The following ZMYND11 variants were observed in gnomAD, a reference collection of about 807,000 sequenced individuals.
ZMYND11 encodes zinc finger MYND-type containing 11.
In ZMYND11, 9 loss-of-function variants were observed where a neutral mutation model predicts 84.9. The ratio of observed to expected loss-of-function variants is 0.11; its 90% CI spans 0.06 to 0.18. ZMYND11 has a LOEUF of 0.18. ZMYND11 is among the 10% of genes least tolerant of loss of function. ZMYND11 has a pLI of 1.00. For synonymous variants in ZMYND11, 250 were observed against 244.1 expected, an observed-to-expected ratio of 1.02 and a Z score of -0.23; for missense variants, 409 against 761.0, an observed-to-expected ratio of 0.54 and a Z score of 5.44.
chr10:139,418 C>T (rs7910845), intron 1 of ZMYND11, among the ~76,000 whole-genome samples: 141,381 of 152,202 alleles, frequency 0.93, 66,020 homozygotes, highest in Non-Finnish European at 0.98. Context: ...ATATCTCTTA[C>T]ATACTTTCAG....
chr10:151,209 G>A (rs1010654139), intron 1 of ZMYND11, among the ~76,000 whole-genome samples: 7 of 152,152 alleles, frequency 4.6e-5, no homozygotes. Context: ...GAACAAAGCT[G>A]GATGGGAATG....
chr10:148,819 T>G (rs1009986456), intron 1 of ZMYND11: 4 of 152,276 alleles, frequency 2.6e-5, no homozygotes, highest in Non-Finnish European at 4.4e-5. Flanking sequence ...GATTTTCCAC[T>G]GCTGTCAGTG....
chr10:241,751 T>G (rs1227375256), intron 9 of ZMYND11, among the ~76,000 whole-genome samples: 1 of 152,192 alleles, frequency 6.6e-6, no homozygotes, highest in Non-Finnish European at 1.5e-5. Context: ...CAGCTGCACT[T>G]GGCCAAGCGG....
At chr10:170,499 G>T (rs1554765406) in intron 1 of ZMYND11, among the ~76,000 whole-genome samples, 1 of 151,354 alleles carries the variant, frequency 6.6e-6, no homozygotes, top group African/African-American at 2.4e-5. Context: ...TTATGTGTAA[G>T]TAAAATGAAT....
intron 14 of ZMYND11, among the ~76,000 whole-genome samples, chr10:250,884 G>A (rs771199521): frequency 1.4e-4 from 21 of 152,096 alleles, no homozygotes; most frequent in Non-Finnish European, 2.6e-4. Flanking sequence ...TTAGCCGGGC[G>A]TGGTGGTGTG....
In ZMYND11 at chr10:144,891, A is replaced by G. The variant is rs150331067; in HGVS notation, c.-20+9332A>G. 2.7e-3 allele frequency among the ~76,000 whole-genome samples: 403 copies of G among 150,684 alleles called. 3 individuals carry two copies. The highest frequency in any genetic ancestry group is 9.3e-3 in the African/African-American group (385 of 41,268). On this transcript the variant is annotated intron_variant, in intron 1 of 14. Transcript: ENST00000381604. ...ACCCAATATTTTTAAAATATTAAAT[A>G]TTAAAGAGATTTTTAAAATTTCTTA...
chr10:132,045 AAT>A (rs1257679110), upstream of ZMYND11, among the ~76,000 whole-genome samples: 3 of 152,074 alleles, frequency 2.0e-5, no homozygotes, highest in Admixed American at 6.5e-5. Flanking sequence ...ATGTTAATCT[AAT>A]AGAGGAGAAG....
At chr10:242,395 C>T (rs1055732909) in intron 10 of ZMYND11, among the ~76,000 whole-genome samples, 1 of 152,088 alleles carries the variant, frequency 6.6e-6, no homozygotes, top group African/African-American at 2.4e-5. Flanking sequence ...ATTTATAGTA[C>T]AGTGGGCAGA....
At chr10:144,528 TTAAAA>T (rs1838255124) in intron 1 of ZMYND11, among the ~76,000 whole-genome samples, 1 of 152,026 alleles carries the variant, frequency 6.6e-6, no homozygotes, top group South Asian at 2.1e-4. Flanking sequence ...GGCCTATTTT[TTAAAA>T]TAAACTGTTT....
intron 10 of ZMYND11, 38 bp from the exon 11 acceptor site, chr10:246,728 G>A (rs747279382): frequency 3.8e-6 from 6 of 1,597,990 alleles, no homozygotes; most frequent in Non-Finnish European, 5.1e-6. Context: ...CCTGCCATTT[G>A]GGATGTTTCT....
intron 1 of ZMYND11, among the ~76,000 whole-genome samples, chr10:177,149 G>A (rs530828328): frequency 2.0e-5 from 3 of 152,240 alleles, no homozygotes; most frequent in South Asian, 4.1e-4. Flanking sequence ...TGTGTAACAC[G>A]CATATATGAA....
chr10:231,708 G>A (rs1171183678), intron 4 of ZMYND11, among the ~76,000 whole-genome samples: 1 of 152,198 alleles, frequency 6.6e-6, no homozygotes, highest in Non-Finnish European at 1.5e-5. Context: ...ATCCGATTCA[G>A]TGTAGCCTGG....
chr10:212,147 T>C (rs1945352906), intron 3 of ZMYND11, among the ~76,000 whole-genome samples: 1 of 152,184 alleles, frequency 6.6e-6, no homozygotes, highest in Non-Finnish European at 1.5e-5. Flanking sequence ...GATTGGTACT[T>C]TCCTATATGC....
chr10:158,375 C>G (rs1554760086), intron 1 of ZMYND11, among the ~76,000 whole-genome samples: 1 of 151,142 alleles, frequency 6.6e-6, no homozygotes, highest in African/African-American at 2.4e-5. Context: ...ATTATTGTAC[C>G]AGTTTCTATT....
chr10:183,975 A>G (rs1020205632), intron 2 of ZMYND11, among the ~76,000 whole-genome samples: 1 of 152,180 alleles, frequency 6.6e-6, no homozygotes, highest in Non-Finnish European at 1.5e-5. Flanking sequence ...CAGTGTTGCT[A>G]CTGGTGGGTC....
At chr10:200,580 A>G (rs1942963492) in intron 2 of ZMYND11, among the ~76,000 whole-genome samples, 1 of 151,868 alleles carries the variant, frequency 6.6e-6, no homozygotes, top group African/African-American at 2.4e-5. Flanking sequence ...TCCGGCTGGA[A>G]GCATTTTTCT....
chr10:153,288 C>T (rs1013889597), intron 1 of ZMYND11, among the ~76,000 whole-genome samples: 2 of 152,184 alleles, frequency 1.3e-5, no homozygotes, highest in South Asian at 4.1e-4. Flanking sequence ...TAGTGTGATT[C>T]CTATATAATT....
At chr10:229,328 G>A (rs1394902559) in intron 4 of ZMYND11, among the ~76,000 whole-genome samples, 1 of 152,146 alleles carries the variant, frequency 6.6e-6, no homozygotes, top group Non-Finnish European at 1.5e-5. Flanking sequence ...AATCCACCTT[G>A]AGACGTTCTT....
intron 1 of ZMYND11, among the ~76,000 whole-genome samples, chr10:156,465 C>A (rs1841745993): frequency 6.6e-6 from 1 of 152,150 alleles, no homozygotes; most frequent in Admixed American, 6.5e-5. Flanking sequence ...TCAAACCTTA[C>A]TGTATTTTGG....
Sources: allele counts gnomAD v4.1 joint callset (sites outside exome capture counted in the v4.1 genomes callset), GRCh38; gene constraint gnomAD v4.1.1; transcripts MANE v1.5; gene names NCBI Gene and HGNC (gene_info 2026-07-23, HGNC 2026-07-21).